Variants in FAT4 observed in about 807,000 individuals in gnomAD.
The protein encoded by FAT4 is FAT atypical cadherin 4, also known as protocadherin Fat 4.
A neutral mutation model predicts 303.9 loss-of-function variants in FAT4; 84 were observed. The observed-to-expected ratio is 0.28, with a 90% CI of 0.23 to 0.33. FAT4 has a LOEUF of 0.33. Ranked by LOEUF, FAT4 falls within the 10% of genes least tolerant of loss-of-function variation. The pLI is 1.00. For synonymous variants in FAT4, 2,307 were observed against 2,298.8 expected (o/e 1.00, Z -0.10); for missense variants, 6,005 against 6,146.8 (o/e 0.98, Z 0.77).
In FAT4 at chr4:125,450,361, T is replaced by A. The variant is rs1260424205; in HGVS notation, c.9351T>A (p.Asp3117Glu). 1 of 1,613,952 alleles carries A rather than the reference T, an allele frequency of 6.2e-7. No individual in the cohort carries two copies. The highest frequency in any genetic ancestry group is 8.5e-7 in the Non-Finnish European group (1 of 1,179,992). ...GSIVRTVSAR[D>E]RDAAMNGLIK... The stretch of plus-strand genomic sequence containing the variant: ...TTGTCAGAACTGTTTCTGCAAGAGA[T>A]AGAGATGCAGCGATGAATGGCTTGA... The change falls in exon 10 of 18, where the codon GAT (aspartate) becomes GAA (glutamate). Residue 3117 changes from aspartate (D) to glutamate (E), a missense_variant. Asp to Glu is a conservative substitution (Grantham distance 45, BLOSUM62 2). Coordinates refer to ENST00000394329, the MANE Select transcript of FAT4 (RefSeq NM_001291303.3).
At chr4:125,367,028 T>A (rs1732913405) in intron 2 of FAT4, among the ~76,000 whole-genome samples, 1 of 151,820 alleles carries the variant, frequency 6.6e-6, no homozygotes, top group Admixed American at 6.6e-5. Context: ...AGTTTGCAAA[T>A]TTTTTTTGCA....
At position 125,481,578 on chromosome 4, in the gene FAT4, T is replaced by G; in HGVS notation, c.12662T>G (p.Met4221Arg). 1 of 1,614,028 alleles carries G rather than the reference T, an allele frequency of 6.2e-7. No individual in the cohort carries two copies. ...GGCAAAGGGCGCTTGGACTACCACA[T>G]GAGTCAGAATGAGAAGCGGGAATAT... ...LEGKGRLDYH[M>R]SQNEKREYLL... Residue 4221 changes from methionine (M) to arginine (R), a missense_variant, in exon 16 of 18, where the codon ATG becomes AGG. Transcript: ENST00000394329.
chr4:125,317,377 G>C lies in FAT4; in HGVS notation c.966G>C (p.Thr322=). 1 of 1,613,480 alleles carries C rather than the reference G, an allele frequency of 6.2e-7. No homozygotes were observed. The highest frequency in any genetic ancestry group is 1.3e-5 in the African/African-American group (1 of 75,074). ...DFEARRQYSL[T]VQAMDRGVPS... is the part of the protein sequence containing the mutation. Reference sequence around the variant, plus strand: ...AAGCTCGGCGCCAATACTCGCTTACGGTGCAGGCGATGGACAGAGGCGTGC... The same window carrying C: ...AAGCTCGGCGCCAATACTCGCTTACCGTGCAGGCGATGGACAGAGGCGTGC... The change falls in exon 2 of 18, where the codon ACG becomes ACC. Residue 322 remains threonine (T), a synonymous_variant. Coordinates refer to ENST00000394329, the MANE Select transcript of FAT4 (RefSeq NM_001291303.3). This position sits in a 1 kb window ranked among gnomAD's most constrained non-coding sequence, Gnocchi z 7.0.
intron 2 of FAT4, among the ~76,000 whole-genome samples, chr4:125,379,502 C>G: frequency 6.6e-6 from 1 of 151,896 alleles, no homozygotes; most frequent in East Asian, 1.9e-4. Flanking sequence ...CTCTGTCACC[C>G]AGGCTGGAGT....
chr4:125,324,031 G>C (rs1315466209), intron 2 of FAT4, among the ~76,000 whole-genome samples: 4 of 152,140 alleles, frequency 2.6e-5, no homozygotes, highest in Admixed American at 1.3e-4. Context: ...TCATTCCAAA[G>C]ATGTGTCCAG....
At chr4:125,358,563 C>T (rs1380283366) in intron 2 of FAT4, among the ~76,000 whole-genome samples, 1 of 152,044 alleles carries the variant, frequency 6.6e-6, no homozygotes, top group African/African-American at 2.4e-5. Flanking sequence ...AGGGTTTGTG[C>T]TCCTATGAGA....
intron 3 of FAT4, among the ~76,000 whole-genome samples, chr4:125,402,491 A>T (rs1370016149): frequency 6.6e-6 from 1 of 152,062 alleles, no homozygotes; most frequent in Admixed American, 6.6e-5. Flanking sequence ...GTACACCTGA[A>T]TATACAAGGT....
At chr4:125,326,902 G>A (rs576530387) in intron 2 of FAT4, among the ~76,000 whole-genome samples, 23 of 152,126 alleles carry the variant, frequency 1.5e-4, no homozygotes, top group Non-Finnish European at 3.2e-4. Context: ...GTGCACGCCT[G>A]TAGTCCCAGC....
At chr4:125,367,637 A>G (rs1486059930) in intron 2 of FAT4, among the ~76,000 whole-genome samples, 1 of 152,184 alleles carries the variant, frequency 6.6e-6, no homozygotes, top group Non-Finnish European at 1.5e-5. Flanking sequence ...TTTCAACCGT[A>G]TATCATAGAA....
In FAT4 at chr4:125,491,430, T is replaced by G. The variant is rs775495965; in HGVS notation, c.14614T>G (p.Leu4872Val). 6 of 1,614,116 alleles carry G rather than the reference T, an allele frequency of 3.7e-6. No individual in the cohort carries two copies. The highest frequency in any genetic ancestry group is 3.4e-6 in the Non-Finnish European group (4 of 1,179,982). The change falls in exon 18 of 18, where the codon TTA (leucine) becomes GTA (valine). Residue 4872 changes from leucine to valine, a missense_variant. Transcript: ENST00000394329. The part of the protein sequence containing the change: ...PMVYTSRMPK[L>V]SQVNESDADD... ...GGTATATACTTCCAGAATGCCCAAA[T>G]TATCTCAAGTCAATGAATCTGATGC...
In FAT4 at chr4:125,319,117, G is replaced by A; in HGVS notation, c.2706G>A (p.Val902=). Residue 902 remains valine (V), a synonymous_variant, in exon 2 of 18, where the codon GTG becomes GTA. Transcript: ENST00000394329. ...HFLQAIESVN[V]VENWQAGHSI... ...TTCAGGCAATAGAGAGTGTAAATGT[G>A]GTGGAGAATTGGCAGGCAGGTCACA... 6.2e-7 allele frequency: 1 copy of A among 1,613,456 alleles called. No homozygotes were observed. Among genetic ancestry groups the A allele is most frequent in the South Asian group, 1.1e-5 (1 of 91,066 alleles).
chr4:125,475,020 A>G (rs1726977946), intron 12 of FAT4, among the ~76,000 whole-genome samples: 1 of 152,098 alleles, frequency 6.6e-6, no homozygotes, highest in African/African-American at 2.4e-5. Flanking sequence ...TACATATGTA[A>G]CAAATTTGGA....
At chr4:125,414,526 T>C (rs1020478113) in intron 5 of FAT4, among the ~76,000 whole-genome samples, 3 of 152,114 alleles carry the variant, frequency 2.0e-5, no homozygotes, top group Non-Finnish European at 2.9e-5. Flanking sequence ...TTATTACCCT[T>C]TCTTGAAAAT....
At chr4:125,466,307 A>G (rs1726659815) in intron 11 of FAT4, among the ~76,000 whole-genome samples, 1 of 152,100 alleles carries the variant, frequency 6.6e-6, no homozygotes, top group Non-Finnish European at 1.5e-5. Flanking sequence ...AAAATACAGT[A>G]TCAATTTGAA....
intron 2 of FAT4, among the ~76,000 whole-genome samples, chr4:125,337,527 C>T (rs1731620386): frequency 6.6e-6 from 1 of 151,368 alleles, no homozygotes. Flanking sequence ...TAATAATGAC[C>T]CTGAGAGAAG....
At chr4:125,337,215 T>C (rs1444282080) in intron 2 of FAT4, among the ~76,000 whole-genome samples, 1 of 152,072 alleles carries the variant, frequency 6.6e-6, no homozygotes, top group Admixed American at 6.6e-5. Flanking sequence ...TCTTTCTTTT[T>C]TGTTTGGATT....
At chr4:125,385,205 T>C (rs1226531782) in intron 2 of FAT4, among the ~76,000 whole-genome samples, 2 of 151,416 alleles carry the variant, frequency 1.3e-5, no homozygotes, top group African/African-American at 2.4e-5. Flanking sequence ...GTATATTTAG[T>C]AGAGATGGAG....
At position 125,317,368 on chromosome 4, in the gene FAT4, C is replaced by T. The variant is rs1217918065; in HGVS notation, c.957C>T (p.Tyr319=). 1 of 1,613,266 alleles carries T rather than the reference C, an allele frequency of 6.2e-7. No homozygotes were observed. Among genetic ancestry groups the T allele is most frequent in the Non-Finnish European group, 8.5e-7 (1 of 1,179,986 alleles). ...EPLDFEARRQ[Y]SLTVQAMDRG... is the part of the protein sequence containing the mutation. ...TGGACTTCGAAGCTCGGCGCCAATA[C>T]TCGCTTACGGTGCAGGCGATGGACA... is the stretch of plus-strand genomic sequence containing the variant. Residue 319 remains tyrosine (Y), a synonymous_variant, in exon 2 of 18, where the codon TAC becomes TAT. Transcript: ENST00000394329. The surrounding 1 kb of genome is among the most constrained non-coding windows in gnomAD (Gnocchi z 7.0).
chr4:125,320,913 A>C lies in FAT4; in HGVS notation c.4502A>C (p.Gln1501Pro), dbSNP rs1730912386. 24 of 1,614,076 alleles carry C rather than the reference A, an allele frequency of 1.5e-5. No homozygotes were observed. Among genetic ancestry groups the C allele is most frequent in the Non-Finnish European group, 1.9e-5 (23 of 1,180,018 alleles). ...GAGTTGACTGTAAAAGCCAATGATC[A>C]AGCTGTGCCAATAGAAACTAGACGG... ...LFELTVKANDQAVPIETRRYA... is the reference protein window; with the variant it reads ...LFELTVKANDPAVPIETRRYA... The change falls in exon 2 of 18, where the codon CAA (glutamine) becomes CCA (proline). Residue 1501 changes from glutamine (Q) to proline (P), a missense_variant. Coordinates refer to ENST00000394329, the MANE Select transcript of FAT4 (RefSeq NM_001291303.3).
Sources: gnomAD v4.1 joint callset for allele counts (sites outside exome capture counted in the v4.1 genomes callset) on GRCh38, gnomAD v4.1.1 for gene constraint, Gnocchi (gnomAD v3.1) non-coding constraint, MANE v1.5 for transcripts, NCBI Gene and HGNC (gene_info 2026-07-23, HGNC 2026-07-21) for gene names.